Variants in ATXN1 observed in about 807,000 individuals in gnomAD.
The protein encoded by ATXN1 is ataxin 1.
In ATXN1, 8 loss-of-function variants were observed where a neutral mutation model predicts 56.4. That is an observed-to-expected ratio of 0.14 (90% CI 0.08 to 0.26). The LOEUF (loss-of-function observed/expected upper bound fraction) is 0.26, where lower values mean the gene tolerates loss of function less well. Ranked by LOEUF, ATXN1 falls within the 10% of genes least tolerant of loss-of-function variation. The pLI is 1.00. For synonymous variants in ATXN1, 514 were observed against 494.6 expected (o/e 1.04, Z -0.52); for missense variants, 987 against 1,106.5 (o/e 0.89, Z 1.53).
intron 6 of ATXN1, among the ~76,000 whole-genome samples, chr6:16,477,667 G>T (rs1760353457): frequency 6.6e-6 from 1 of 152,202 alleles, no homozygotes. Flanking sequence ...CTGCATGCCA[G>T]TGCTGATAAA....
intron 4 of ATXN1, among the ~76,000 whole-genome samples, chr6:16,578,479 G>A (rs1407616601): frequency 6.6e-6 from 1 of 152,088 alleles, no homozygotes; most frequent in Admixed American, 6.6e-5. Flanking sequence ...TCTACTTCTC[G>A]AATCTTCTTT....
At chr6:16,727,460 C>A (rs1759874828) in intron 2 of ATXN1, among the ~76,000 whole-genome samples, 1 of 152,028 alleles carries the variant, frequency 6.6e-6, no homozygotes, top group African/African-American at 2.4e-5. Flanking sequence ...AATAAGAAAA[C>A]AAGTCCAAAT....
At chr6:16,610,464 G>A (rs1763084160) in intron 3 of ATXN1, among the ~76,000 whole-genome samples, 2 of 151,414 alleles carry the variant, frequency 1.3e-5, no homozygotes, top group African/African-American at 4.8e-5. Flanking sequence ...CACCAAGGTG[G>A]AAAAAAAATC....
chr6:16,467,007 GCATA>G (rs1264718744), intron 6 of ATXN1, among the ~76,000 whole-genome samples: 1 of 152,130 alleles, frequency 6.6e-6, no homozygotes, highest in East Asian at 1.9e-4. Flanking sequence ...GTGCAGCCTC[GCATA>G]ACATAAATGA....
intron 6 of ATXN1, chr6:16,485,446 A>G (rs1252818406): frequency 6.6e-6 from 1 of 152,230 alleles, no homozygotes; most frequent in African/African-American, 2.4e-5. Context: ...CATTTTAAGT[A>G]AGGGAAGCAC....
At chr6:16,701,584 C>T (rs543193964) in intron 2 of ATXN1, among the ~76,000 whole-genome samples, 25 of 152,242 alleles carry the variant, frequency 1.6e-4, no homozygotes, top group Admixed American at 9.8e-4. Context: ...ATCTAGAAAA[C>T]CCCATTGTCT....
At chr6:16,553,972 A>G (rs1412169345) in intron 4 of ATXN1, among the ~76,000 whole-genome samples, 1 of 152,226 alleles carries the variant, frequency 6.6e-6, no homozygotes, top group Non-Finnish European at 1.5e-5. Flanking sequence ...ATCCCTTTGT[A>G]CATAAACATC....
intron 5 of ATXN1, among the ~76,000 whole-genome samples, chr6:16,504,574 T>C (rs137855401): frequency 6.6e-6 from 1 of 152,130 alleles, no homozygotes; most frequent in African/African-American, 2.4e-5. Flanking sequence ...ATTTTAAATG[T>C]TTTTCATATA....
chr6:16,462,667 A>C (rs977091126), intron 6 of ATXN1, among the ~76,000 whole-genome samples: 4 of 152,154 alleles, frequency 2.6e-5, no homozygotes, highest in Admixed American at 6.6e-5. Flanking sequence ...CACCTATTAC[A>C]TGAGCAATGA....
chr6:16,521,686 G>T (rs374960027), intron 5 of ATXN1, among the ~76,000 whole-genome samples: 1 of 152,228 alleles, frequency 6.6e-6, no homozygotes, highest in Non-Finnish European at 1.5e-5. Context: ...ACCGCGAGTC[G>T]GGTGTGTGGG....
chr6:16,606,523 T>G (rs115555758), intron 3 of ATXN1, among the ~76,000 whole-genome samples: 70 of 12,302 alleles, frequency 5.7e-3, no homozygotes, highest in African/African-American at 9.4e-3. Flanking sequence ...TGTTTGTGGG[T>G]TTTTTTTTTT....
chr6:16,411,522 T>G (rs1399062078), intron 6 of ATXN1, among the ~76,000 whole-genome samples: 2 of 152,184 alleles, frequency 1.3e-5, no homozygotes, highest in Non-Finnish European at 2.9e-5. Flanking sequence ...TCTGGCATTT[T>G]GCCCTGGCAT....
rs995200610 is a variant in ATXN1, at chr6:16,327,270, T to G, written c.1041A>C (p.Ala347=). The G allele has an allele frequency of 6.2e-6, 10 of 1,613,186 alleles. No individual in the cohort carries two copies. Among genetic ancestry groups the G allele is most frequent in the Non-Finnish European group, 8.5e-6 (10 of 1,179,684 alleles). Residue 347 remains alanine (A), a synonymous_variant, in exon 7 of 8, where the codon GCA becomes GCC. Transcript: ENST00000436367. ...PSSADLGLGK[A]GGKSVPHPYE... The stretch of plus-strand genomic sequence containing the variant: ...ACGGGTGAGGAACCGACTTGCCGCC[T>G]GCCTTGCCCAGGCCCAGGTCGGCTG...
At chr6:16,515,208 C>T (rs933819624) in intron 5 of ATXN1, among the ~76,000 whole-genome samples, 6 of 152,106 alleles carry the variant, frequency 3.9e-5, no homozygotes, top group South Asian at 2.1e-4. Context: ...TATCTCCTTA[C>T]GCCTGCAACT....
rs1357056158 is a variant in ATXN1, at chr6:16,300,675, T to G, written c.*5654A>C. On this transcript the variant is annotated 3_prime_UTR_variant, in exon 8 of 8. Transcript: ENST00000436367. ...GGGGGGAAAGAAGGTGAAATAATTT[T>G]TTTTTTTGTCCCCATAATGAGTCCT... is the stretch of plus-strand genomic sequence containing the variant. 1 of 152,666 alleles carries G rather than the reference T, an allele frequency of 6.6e-6. No individual in the cohort carries two copies. Among genetic ancestry groups the G allele is most frequent in the Non-Finnish European group, 1.5e-5 (1 of 68,046 alleles). 9.5% of individuals were successfully genotyped at this position (152,666 alleles called of 1,614,324 possible).
At position 16,306,346 on chromosome 6, in the gene ATXN1, A is replaced by G; in HGVS notation, c.2431T>C (p.Ser811Pro). The G allele has an allele frequency of 1.2e-6, 2 of 1,609,520 alleles. No individual in the cohort carries two copies. The highest frequency in any genetic ancestry group is 1.7e-6 in the Non-Finnish European group (2 of 1,178,080). Residue 811 changes from serine (S) to proline (P), a missense_variant, in exon 8 of 8, where the codon TCT becomes CCT. By Grantham distance (74) the Ser-to-Pro change is moderately conservative (BLOSUM62 -1). This residue lies in a region of ATXN1 where 196 missense variants were observed against 196.7 expected (regional missense o/e 1.00). Coordinates refer to ENST00000436367, the MANE Select transcript of ATXN1 (RefSeq NM_001128164.2). This position sits in a 1 kb window ranked among gnomAD's most constrained non-coding sequence, Gnocchi z 5.2. The part of the protein sequence containing the change: ...QEVKICIEGR[S>P]NVGK ...CGCTGCCTCTACTTGCCTACATTAG[A>G]CCGGCCTTCAATGCAAATCTTAACC... is the stretch of plus-strand genomic sequence containing the variant.
At chr6:16,404,167 C>T (rs896242803) in intron 6 of ATXN1, among the ~76,000 whole-genome samples, 1 of 152,140 alleles carries the variant, frequency 6.6e-6, no homozygotes, top group Non-Finnish European at 1.5e-5. Flanking sequence ...ATAAAACTAT[C>T]TTAAACATAT....
At chr6:16,716,657 A>G (rs1220086654) in intron 2 of ATXN1, among the ~76,000 whole-genome samples, 1 of 152,248 alleles carries the variant, frequency 6.6e-6, no homozygotes, top group African/African-American at 2.4e-5. Flanking sequence ...AGGATCAGAT[A>G]GTAGATATTT....
Position 16,327,962 on chromosome 6 carries a change from G to A in ATXN1, c.349C>T (p.Pro117Ser). 6.2e-7 allele frequency: 1 copy of A among 1,613,242 alleles called. No individual in the cohort carries two copies. The highest frequency in any genetic ancestry group is 8.5e-7 in the Non-Finnish European group (1 of 1,179,816). Residue 117 changes from proline to serine, a missense_variant, in exon 7 of 8, where the codon CCC becomes TCC. Coordinates refer to ENST00000436367, the MANE Select transcript of ATXN1 (RefSeq NM_001128164.2). The stretch of plus-strand genomic sequence containing the variant: ...TGCGGCAGGTGAGCGTACTGCACGG[G>A]GGACACCGGGGTCCCTGGCTGCGGG... The part of the protein sequence containing the change: ...ATPQPGTPVS[P>S]VQYAHLPHTF...
Sources: gnomAD v4.1 joint callset for allele counts (sites outside exome capture counted in the v4.1 genomes callset) on GRCh38, gnomAD v4.1.1 for gene constraint, gnomAD v4.1.1 regional missense constraint, Gnocchi (gnomAD v3.1) non-coding constraint, MANE v1.5 for transcripts, NCBI Gene and HGNC (gene_info 2026-07-23, HGNC 2026-07-21) for gene names.